EFTUD2: variants seen among roughly 807,000 people sequenced by gnomAD.
EFTUD2 encodes elongation factor Tu GTP binding domain containing 2.
Under a neutral mutation model 114.3 loss-of-function variants are expected in EFTUD2, and 9 were observed. The ratio of observed to expected loss-of-function variants is 0.08; its 90% CI spans 0.05 to 0.14. The LOEUF is 0.14. Among genes scored for constraint, EFTUD2 ranks in the 10% least tolerant of loss-of-function variants. The pLI is 1.00. For missense variants in EFTUD2, 765 were observed against 1,241.2 expected (o/e 0.62, Z 5.76); for synonymous variants, 449 against 462.3 (o/e 0.97, Z 0.37).
chr17:44,854,175 C>T lies in EFTUD2; in HGVS notation c.2347+94G>A, dbSNP rs2050504985. 1.4e-6 allele frequency: 2 copies of T among 1,450,026 alleles called. No homozygotes were observed. The highest frequency in any genetic ancestry group is 1.9e-6 in the Non-Finnish European group (2 of 1,073,546). 89.8% of individuals were successfully genotyped at this position (1,450,026 alleles called of 1,614,324 possible). ...TCCTGTGTACCCCAAGCTGCTTCTC[C>T]TGCCGAATCCTAAAGATGGTGAGCC... On this transcript the variant is annotated intron_variant, in intron 23 of 27. Transcript: ENST00000426333. The surrounding 1 kb of genome is among the most constrained non-coding windows in gnomAD (Gnocchi z 4.3).
intron 1 of EFTUD2, among the ~76,000 whole-genome samples, chr17:44,897,698 G>A (rs2051415688): frequency 1.3e-5 from 2 of 152,066 alleles, no homozygotes; most frequent in African/African-American, 4.8e-5. Flanking sequence ...CCAAGTAGCT[G>A]GGATTACAGG....
intron 9 of EFTUD2, among the ~76,000 whole-genome samples, chr17:44,877,348 C>A (rs1032903317): frequency 6.6e-6 from 1 of 152,150 alleles, no homozygotes; most frequent in Admixed American, 6.6e-5. Flanking sequence ...ATGGAATCAG[C>A]CTGAAGGAGC....
chr17:44,859,967 G>A lies in EFTUD2; in HGVS notation c.1798C>T (p.Leu600=), dbSNP rs750980111. Residue 600 remains leucine, a synonymous_variant, in exon 18 of 28, where the codon CTG becomes TTG. Coordinates refer to ENST00000426333, the MANE Select transcript of EFTUD2 (RefSeq NM_004247.4). ...CGCAGGCCATCAAGCATCTTGGGCA[G>A]CTCTGAGGGGTTGACTGGCTCCACA... ...IAVEPVNPSE[L]PKMLDGLRKV... 4.3e-6 allele frequency: 7 copies of A among 1,614,106 alleles called. No individual in the cohort carries two copies. The highest frequency in any genetic ancestry group is 5.9e-6 in the Non-Finnish European group (7 of 1,180,052).
intron 11 of EFTUD2, among the ~76,000 whole-genome samples, chr17:44,870,813 T>C (rs1287691585): frequency 6.6e-6 from 1 of 151,692 alleles, no homozygotes; most frequent in Non-Finnish European, 1.5e-5. Context: ...AGGTCAGGAG[T>C]TCGAGACCAG....
intron 3 of EFTUD2, among the ~76,000 whole-genome samples, chr17:44,886,147 T>C (rs1216724170): frequency 1.3e-5 from 2 of 152,082 alleles, no homozygotes; most frequent in East Asian, 3.9e-4. Context: ...TGAAGCAGAA[T>C]TGCTTGAATC....
chr17:44,876,182 T>C (rs2050945621), intron 9 of EFTUD2, 82 bp from the exon 10 acceptor site: 1 of 1,488,016 alleles, frequency 6.7e-7, no homozygotes, highest in Admixed American at 2.0e-5. Context: ...AGGCACTATT[T>C]CAAACCATGA....
intron 16 of EFTUD2, 121 bp from the exon 17 acceptor site, chr17:44,860,664 T>A: frequency 7.7e-6 from 5 of 652,402 alleles, no homozygotes; most frequent in Non-Finnish European, 1.3e-5. Context: ...AGTGGCACAA[T>A]CTTGGCTCAC....
In EFTUD2 at chr17:44,880,558, A is replaced by C; in HGVS notation, c.615T>G (p.Thr205=). Residue 205 remains threonine, a synonymous_variant, in exon 8 of 28, where the codon ACT becomes ACG. Coordinates refer to ENST00000426333, the MANE Select transcript of EFTUD2 (RefSeq NM_004247.4). The part of the protein sequence containing the change: ...GKSYLFNIMD[T]PGHVNFSDEV... ...AAAAGCCAAAGGATGTCCTACCTGG[A>C]GTGTCCATGATATTGAAGAGATAAG... The C allele has an allele frequency of 1.2e-6, 2 of 1,612,950 alleles. No homozygotes were observed. The highest frequency in any genetic ancestry group is 1.7e-6 in the Non-Finnish European group (2 of 1,179,132).
rs1435871943 is a variant in EFTUD2 at position 44,854,648 on chromosome 17, C to T, written c.2167G>A (p.Asp723Asn). 4 of 1,614,124 alleles carry T rather than the reference C, an allele frequency of 2.5e-6. No homozygotes were observed. The highest frequency in any genetic ancestry group is 3.4e-6 in the Non-Finnish European group (4 of 1,179,998). Residue 723 changes from aspartate to asparagine, a missense_variant, in exon 22 of 28, where the codon GAT (aspartate) becomes AAT (asparagine). Transcript: ENST00000426333. This position sits in a 1 kb window ranked among gnomAD's most constrained non-coding sequence, Gnocchi z 4.3. ...KLGEFFQTKY[D>N]WDLLAARSIW... ...GAACGGGCAGCCAGCAGATCCCAAT[C>T]GTACTTGGTCTGGAAGAACTCTCCC...
At chr17:44,875,252 CG>C (rs1567744505) in intron 10 of EFTUD2, among the ~76,000 whole-genome samples, 1 of 151,838 alleles carries the variant, frequency 6.6e-6, no homozygotes, top group Non-Finnish European at 1.5e-5. Context: ...AAAAATTGGC[CG>C]GGGGTGGTGG....
chr17:44,884,891 TAAC>T (rs1400391472), intron 4 of EFTUD2, among the ~76,000 whole-genome samples: 3 of 152,106 alleles, frequency 2.0e-5, no homozygotes, highest in East Asian at 3.9e-4. Context: ...TGTCTCAAAA[TAAC>T]AACAACAAAA....
intron 4 of EFTUD2, among the ~76,000 whole-genome samples, chr17:44,884,439 A>G (rs932180102): frequency 1.6e-4 from 25 of 152,062 alleles, no homozygotes; most frequent in African/African-American, 5.8e-4. Flanking sequence ...GAATCACTTG[A>G]ACCTGGAAGG....
In EFTUD2 at chr17:44,851,695, C is replaced by T. The variant is rs765492504; in HGVS notation, c.2823+15G>A. 2 of 1,576,200 alleles carry T rather than the reference C, an allele frequency of 1.3e-6. No homozygotes were observed. The highest frequency in any genetic ancestry group is 1.7e-6 in the Non-Finnish European group (2 of 1,165,144). Reference sequence around the variant, plus strand: ...GGGGGGTTGAGGGATGGCAACAGGCCCAAGGGAGACATACCTTCCTACGGC... The same window carrying T: ...GGGGGGTTGAGGGATGGCAACAGGCTCAAGGGAGACATACCTTCCTACGGC... On this transcript the variant is annotated intron_variant, in intron 27 of 27. Coordinates refer to ENST00000426333, the MANE Select transcript of EFTUD2 (RefSeq NM_004247.4).
intron 1 of EFTUD2, among the ~76,000 whole-genome samples, chr17:44,895,369 A>G (rs2145584234): frequency 6.6e-6 from 1 of 152,036 alleles, no homozygotes; most frequent in South Asian, 2.1e-4. Flanking sequence ...GGTGGCTCAC[A>G]CCTGTAATCC....
At chr17:44,880,689 G>A (rs2051057635) in intron 7 of EFTUD2, 45 bp from the exon 8 acceptor site, 1 of 1,544,308 alleles carries the variant, frequency 6.5e-7, no homozygotes, top group African/African-American at 1.4e-5. Context: ...TATGCAAGAG[G>A]GGTTCATTTT....
chr17:44,854,830 C>T lies in EFTUD2; in HGVS notation c.2132+88G>A. ...CAAAGGCAAAGACATAAATGCTCCCCAGAAAGATGTGTGCTCTTAGAGACC... is the reference window on the plus strand; with the variant it reads ...CAAAGGCAAAGACATAAATGCTCCCTAGAAAGATGTGTGCTCTTAGAGACC... On this transcript the variant is annotated intron_variant, in intron 21 of 27. Coordinates refer to ENST00000426333, the MANE Select transcript of EFTUD2 (RefSeq NM_004247.4). This position sits in a 1 kb window ranked among gnomAD's most constrained non-coding sequence, Gnocchi z 4.3. The T allele has an allele frequency of 1.3e-6, 2 of 1,565,038 alleles. No homozygotes were observed. The highest frequency in any genetic ancestry group is 1.8e-6 in the Non-Finnish European group (2 of 1,137,290).
In EFTUD2 at chr17:44,853,601, C is replaced by T. The variant is rs777836549; in HGVS notation, c.2382G>A (p.Ala794=). ...GGTGCAGGGGCTCCTGGGCAACCACCGCATCCAGGATCTTAAACTTGACAT... is the reference window on the plus strand; with the variant it reads ...GGTGCAGGGGCTCCTGGGCAACCACTGCATCCAGGATCTTAAACTTGACAT... ...IRNVKFKILD[A]VVAQEPLHRG... Residue 794 remains alanine, a synonymous_variant, in exon 24 of 28, where the codon GCG becomes GCA. Transcript: ENST00000426333. 9.3e-6 allele frequency: 15 copies of T among 1,614,162 alleles called. No individual in the cohort carries two copies. The highest frequency in any genetic ancestry group is 5.5e-5 in the South Asian group (5 of 91,086).
rs1432851936 is a variant in EFTUD2 at position 44,860,021 on chromosome 17, A to G, written c.1744T>C (p.Phe582Leu). 6.2e-7 allele frequency: 1 copy of G among 1,614,144 alleles called. No homozygotes were observed. Among genetic ancestry groups the G allele is most frequent in the Non-Finnish European group, 8.5e-7 (1 of 1,180,048 alleles). ...ATCTTGATAACAGATGTGGTATTGA[A>G]CTTCAAGGGTCGGAAAATCTGAGCC... ...EEAQIFRPLKFNTTSVIKIAV... is the reference protein window; with the variant it reads ...EEAQIFRPLKLNTTSVIKIAV... The change falls in exon 18 of 28, where the codon TTC becomes CTC. Residue 582 changes from phenylalanine to leucine, a missense_variant. Physicochemically the swap from Phe to Leu is conservative, Grantham distance 22. Around this residue, in one of 6 missense-constraint regions of EFTUD2, gnomAD observed 149 missense variants for 245.1 expected, o/e 0.61. Coordinates refer to ENST00000426333, the MANE Select transcript of EFTUD2 (RefSeq NM_004247.4).
rs2050696297 is a variant in EFTUD2, at chr17:44,863,675, T to A, written c.1393A>T (p.Met465Leu). The A allele has an allele frequency of 1.2e-6, 2 of 1,613,940 alleles. No homozygotes were observed. Among genetic ancestry groups the A allele is most frequent in the Non-Finnish European group, 8.5e-7 (1 of 1,179,964 alleles). The part of the protein sequence containing the change: ...GGVDSDLGEA[M>L]SDCDPDGPLM... ...CTTACATCAGGGTCACAGTCACTCATAGCCTCGCCGAGGTCGGAGTCCACA... is the reference window on the plus strand; with the variant it reads ...CTTACATCAGGGTCACAGTCACTCAAAGCCTCGCCGAGGTCGGAGTCCACA... Residue 465 changes from methionine (M) to leucine (L), a missense_variant, in exon 15 of 28, where the codon ATG (methionine) becomes TTG (leucine). Transcript: ENST00000426333.
Sources: allele counts gnomAD v4.1 joint callset (sites outside exome capture counted in the v4.1 genomes callset), GRCh38; gene constraint gnomAD v4.1.1; regional missense constraint gnomAD v4.1.1; non-coding constraint Gnocchi (gnomAD v3.1); transcripts MANE v1.5; gene names NCBI Gene and HGNC (gene_info 2026-07-23, HGNC 2026-07-21).